The following PCDHGB1 variants were observed in gnomAD, a reference collection of about 807,000 sequenced individuals.
PCDHGB1 encodes the protein protocadherin gamma-B1.
A neutral mutation model predicts 56.6 loss-of-function variants in PCDHGB1; 34 were observed. The observed-to-expected ratio is 0.60, with a 90% CI of 0.46 to 0.80. The LOEUF (loss-of-function observed/expected upper bound fraction) is 0.80, where lower values mean the gene tolerates loss of function less well. Among genes scored for constraint, PCDHGB1 ranks in the 30% least tolerant of loss-of-function variants. The pLI, the probability that PCDHGB1 is intolerant of heterozygous loss-of-function variation, is 0.00. For missense variants in PCDHGB1, 1,278 were observed against 1,204.6 expected (o/e 1.06, Z -0.90); for synonymous variants, 561 against 505.9 (o/e 1.11, Z -1.46).
intron 2 of PCDHGB1, among the ~76,000 whole-genome samples, chr5:141,501,290 T>TACACACACACACAC (rs55762287): frequency 7.3e-6 from 1 of 136,164 alleles, no homozygotes; most frequent in Non-Finnish European, 1.6e-5. Context: ...TATTCCCTTA[T>TACACACACACACAC]ACACACACAC....
intron 1 of PCDHGB1, chr5:141,376,053 C>A (rs1453617614): frequency 6.2e-7 from 1 of 1,613,372 alleles, no homozygotes; most frequent in African/African-American, 1.3e-5. Flanking sequence ...CTCTCCGCCA[C>A]TGTCACGCTC....
rs2099388737 is a variant in PCDHGB1 at position 141,476,307 on chromosome 5, G to T, written c.2410-18500G>T. 1 of 1,613,606 alleles carries T rather than the reference G, an allele frequency of 6.2e-7. No individual in the cohort carries two copies. The highest frequency in any genetic ancestry group is 1.3e-5 in the African/African-American group (1 of 74,728). ...TTGGATCTCGGTAGCCTCTCAGCCC[G>T]CAGGTTCCGGGTGGTGTCTGGAGCT... On this transcript the variant is annotated intron_variant, in intron 1 of 3. Coordinates refer to ENST00000523390, the MANE Select transcript of PCDHGB1 (RefSeq NM_018922.3). The surrounding 1 kb of genome is among the most constrained non-coding windows in gnomAD (Gnocchi z 7.6).
chr5:141,443,733 C>T (rs7723254), intron 1 of PCDHGB1, among the ~76,000 whole-genome samples: 16,856 of 152,062 alleles, frequency 0.11, 1,109 homozygotes, highest in African/African-American at 0.17. Context: ...TCATACATTT[C>T]CCTATCAGTG....
chr5:141,427,398 A>T (rs1040184910), intron 1 of PCDHGB1: 8 of 460,774 alleles, frequency 1.7e-5, no homozygotes, highest in Non-Finnish European at 3.5e-5. Context: ...AACACATGAT[A>T]AAGATTCGAG....
chr5:141,358,858 G>C (rs1269270385), intron 1 of PCDHGB1, among the ~76,000 whole-genome samples: 2 of 152,182 alleles, frequency 1.3e-5, no homozygotes, highest in Admixed American at 6.5e-5. Context: ...ATTGCTTTCA[G>C]ATATTTCTGT....
chr5:141,409,756 C>G, intron 1 of PCDHGB1: 1 of 1,612,994 alleles, frequency 6.2e-7, no homozygotes, highest in Non-Finnish European at 8.5e-7. Context: ...TCGCGCAGCG[C>G]GCCTTTGATC....
intron 1 of PCDHGB1, chr5:141,399,174 T>G: frequency 1.2e-6 from 2 of 1,613,818 alleles, no homozygotes; most frequent in Non-Finnish European, 1.7e-6. Context: ...ATTCTCTACT[T>G]GAAATGATTC....
At chr5:141,372,826 C>G in intron 1 of PCDHGB1, 1 of 1,554,742 alleles carries the variant, frequency 6.4e-7, no homozygotes, top group Middle Eastern at 1.7e-4. Flanking sequence ...TTCTTCAAAC[C>G]TTTCCTTCCA....
rs544825241 is a variant in PCDHGB1, at chr5:141,351,067, C to T, written c.807C>T (p.Gly269=). 4 of 1,614,008 alleles carry T rather than the reference C, an allele frequency of 2.5e-6. No homozygotes were observed. The highest frequency in any genetic ancestry group is 4.5e-5 in the East Asian group (2 of 44,884). The part of the protein sequence containing the change: ...LRVMATDQDE[G]INAEITYAFL... ...TGATGGCCACAGACCAGGATGAGGG[C>T]ATTAATGCAGAGATCACCTATGCCT... The change falls in exon 1 of 4, where the codon GGC becomes GGT. Residue 269 remains glycine (G), a synonymous_variant. Transcript: ENST00000523390.
At chr5:141,445,508 T>C (rs2098468947) in intron 1 of PCDHGB1, among the ~76,000 whole-genome samples, 1 of 152,200 alleles carries the variant, frequency 6.6e-6, no homozygotes, top group Non-Finnish European at 1.5e-5. Context: ...TAATACATGA[T>C]ATTTTACAGG....
rs200715621 is a variant in PCDHGB1 at position 141,432,628 on chromosome 5, G to A, written c.2410-62179G>A. 3.2e-4 allele frequency: 515 copies of A among 1,611,902 alleles called. No individual in the cohort carries two copies. Among genetic ancestry groups the A allele is most frequent in the Non-Finnish European group, 4.2e-4 (497 of 1,179,404 alleles). On this transcript the variant is annotated intron_variant, in intron 1 of 3. Coordinates refer to ENST00000523390, the MANE Select transcript of PCDHGB1 (RefSeq NM_018922.3). The surrounding 1 kb of genome is among the most constrained non-coding windows in gnomAD (Gnocchi z 6.0). ...GACTCTTCTCGGTGGGTCTGCACAC[G>A]GGCGAGGTGCGCACGGCGCGAGCCC...
intron 1 of PCDHGB1, chr5:141,414,343 A>G: frequency 1.9e-6 from 3 of 1,613,882 alleles, no homozygotes; most frequent in Non-Finnish European, 2.5e-6. Flanking sequence ...AACCTGTTCC[A>G]TTTTGGCGTA....
intron 1 of PCDHGB1, chr5:141,375,358 G>T: frequency 6.2e-7 from 1 of 1,613,810 alleles, no homozygotes; most frequent in Non-Finnish European, 8.5e-7. Flanking sequence ...TGACAGCCAC[G>T]GACAAAGGAA....
chr5:141,413,748 T>C (rs1264580781), intron 1 of PCDHGB1: 2 of 1,613,288 alleles, frequency 1.2e-6, no homozygotes, highest in Non-Finnish European at 1.7e-6. Context: ...GCCGTGCCAA[T>C]GGCGTCAAGT....
rs564582881 is a variant in PCDHGB1, at chr5:141,432,735, C to T, written c.2410-62072C>T. ...CAGCCCCCTCTCTCCGCCACTGTCA[C>T]GCTCACCGTGGCCGTGGCCGACAGC... On this transcript the variant is annotated intron_variant, in intron 1 of 3. Coordinates refer to ENST00000523390, the MANE Select transcript of PCDHGB1 (RefSeq NM_018922.3). This position sits in a 1 kb window ranked among gnomAD's most constrained non-coding sequence, Gnocchi z 6.0. 2 of 1,614,094 alleles carry T rather than the reference C, an allele frequency of 1.2e-6. No individual in the cohort carries two copies. The highest frequency in any genetic ancestry group is 1.1e-5 in the South Asian group (1 of 91,086).
chr5:141,443,274 A>G (rs1259320198), intron 1 of PCDHGB1, among the ~76,000 whole-genome samples: 12 of 151,534 alleles, frequency 7.9e-5, no homozygotes, highest in African/African-American at 1.7e-4. Context: ...TGAGCCCAGG[A>G]GTTTGAGACC....
At chr5:141,375,966 C>A (rs373365863) in intron 1 of PCDHGB1, 4 of 1,613,374 alleles carry the variant, frequency 2.5e-6, no homozygotes, top group Non-Finnish European at 2.5e-6. Context: ...GAGGTGCGCA[C>A]GGCGCGCGCC....
intron 1 of PCDHGB1, chr5:141,355,438 C>T: frequency 1.9e-6 from 3 of 1,614,084 alleles, no homozygotes; most frequent in Non-Finnish European, 2.5e-6. Context: ...CCTGAACCCG[C>T]GCAGCGGCAC....
At position 141,505,200 on chromosome 5, in the gene PCDHGB1, G is replaced by T. The variant is rs528060752; in HGVS notation, c.2469-193G>T. On this transcript the variant is annotated intron_variant, in intron 2 of 3. Transcript: ENST00000523390. ...AAAGCATCGGAGGCAGCAAAGAGCTGGTTTGAGGGACTGACTTGTGGGATT... is the reference window on the plus strand; with the variant it reads ...AAAGCATCGGAGGCAGCAAAGAGCTTGTTTGAGGGACTGACTTGTGGGATT... Among the ~76,000 whole-genome samples the T allele has an allele frequency of 6.6e-5, 10 of 152,244 alleles. No individual in the cohort carries two copies. The East Asian group carries it at 7.7e-4, about 12-fold the overall frequency.
Sources: gnomAD v4.1 joint callset for allele counts (sites outside exome capture counted in the v4.1 genomes callset) on GRCh38, gnomAD v4.1.1 for gene constraint, Gnocchi (gnomAD v3.1) non-coding constraint, MANE v1.5 for transcripts, NCBI Gene and HGNC (gene_info 2026-07-23, HGNC 2026-07-21) for gene names.